WDR17: variants seen among roughly 807,000 people sequenced by gnomAD.
WDR17 encodes the protein WD repeat-containing protein 17.
In WDR17, 143 loss-of-function variants were observed where a neutral mutation model predicts 161.7. The observed-to-expected ratio is 0.88, with a 90% CI of 0.77 to 1.02. WDR17 has a LOEUF of 1.02. Among genes scored for constraint, WDR17 ranks in the 50% least tolerant of loss-of-function variants. The probability of loss-of-function intolerance (pLI) is 0.00; values close to 1 mark genes in which losing one functional copy is unlikely to be tolerated. For synonymous variants in WDR17, 517 were observed against 515.6 expected (o/e 1.00, Z -0.04); for missense variants, 1,469 against 1,520.9 (o/e 0.97, Z 0.57).
Position 176,151,823 on chromosome 4 carries a change from A to G in WDR17, c.2316A>G (p.Gln772=). 6.3e-7 allele frequency: 1 copy of G among 1,578,018 alleles called. No individual in the cohort carries two copies. Among genetic ancestry groups the G allele is most frequent in the Non-Finnish European group, 8.6e-7 (1 of 1,167,604 alleles). Residue 772 remains glutamine (Q), a synonymous_variant, in exon 17 of 29, where the codon CAA becomes CAG. Transcript: ENST00000508596. ...HLIKFRTSEA[Q]ELTTVKMSKF... Reference sequence around the variant, plus strand: ...CTTTTTAAAACCAGTCTGAAGCTCAAGAACTAACAACAGTCAAGATGTCTA... The same window carrying G: ...CTTTTTAAAACCAGTCTGAAGCTCAGGAACTAACAACAGTCAAGATGTCTA...
chr4:176,072,000 G>A (rs969262453), intron 1 of WDR17, among the ~76,000 whole-genome samples: 6 of 152,130 alleles, frequency 3.9e-5, no homozygotes, highest in African/African-American at 1.4e-4. Flanking sequence ...TGGTCATTTC[G>A]TGAGTCCAAA....
At chr4:176,124,311 C>T (rs938453731) in intron 4 of WDR17, among the ~76,000 whole-genome samples, 1 of 152,168 alleles carries the variant, frequency 6.6e-6, no homozygotes, top group East Asian at 1.9e-4. Flanking sequence ...TCCATATTTC[C>T]AGTTGTGTAC....
At chr4:176,092,534 G>A (rs1282021920) in intron 1 of WDR17, among the ~76,000 whole-genome samples, 1 of 152,118 alleles carries the variant, frequency 6.6e-6, no homozygotes, top group Non-Finnish European at 1.5e-5. Context: ...ATCCTAGCTA[G>A]AGCAATCAGA....
intron 25 of WDR17, among the ~76,000 whole-genome samples, chr4:176,173,778 G>A (rs1178452700): frequency 6.6e-6 from 1 of 151,952 alleles, no homozygotes; most frequent in Non-Finnish European, 1.5e-5. Context: ...GCCTCCCAAA[G>A]TGCTGGGATT....
At chr4:176,140,491 A>G (rs1380591184) in intron 10 of WDR17, among the ~76,000 whole-genome samples, 5 of 152,158 alleles carry the variant, frequency 3.3e-5, no homozygotes, top group African/African-American at 7.2e-5. Context: ...TTTTAGAAAT[A>G]TGTGCTTTCT....
intron 1 of WDR17, among the ~76,000 whole-genome samples, chr4:176,106,722 G>A (rs915496134): frequency 6.6e-6 from 1 of 152,220 alleles, no homozygotes; most frequent in African/African-American, 2.4e-5. Context: ...GGGAGGCTGA[G>A]GCAGGATGAT....
At chr4:176,138,399 G>C (rs1744739387) in intron 9 of WDR17, among the ~76,000 whole-genome samples, 1 of 151,728 alleles carries the variant, frequency 6.6e-6, no homozygotes, top group Admixed American at 6.6e-5. Flanking sequence ...ACTTGTAGTA[G>C]CGTAGCAAAT....
chr4:176,117,930 G>A (rs984107226), intron 3 of WDR17, among the ~76,000 whole-genome samples: 8 of 152,040 alleles, frequency 5.3e-5, no homozygotes, highest in Non-Finnish European at 1.0e-4. Context: ...CTTAAGCAAA[G>A]TAGAAATTTG....
chr4:176,174,547 A>G, intron 25 of WDR17, 70 bp from the exon 26 acceptor site: 1 of 1,092,566 alleles, frequency 9.2e-7, no homozygotes, highest in Non-Finnish European at 1.3e-6. Context: ...AAGTACATGA[A>G]CTGTGTATCA....
At position 176,151,904 on chromosome 4, in the gene WDR17, T is replaced by C. The variant is rs768037824; in HGVS notation, c.2397T>C (p.Ala799=). Residue 799 remains alanine, a synonymous_variant, in exon 17 of 29, where the codon GCT becomes GCC. Coordinates refer to ENST00000508596, the MANE Select transcript of WDR17 (RefSeq NM_181265.4). ...PAKEERLKEA[A]EIHLRLGQIQ... ...AAGAGGAAAGACTGAAGGAAGCTGC[T>C]GAAATCCACTTGAGATTAGGACAAA... 5.0e-6 allele frequency: 8 copies of C among 1,613,352 alleles called. No individual in the cohort carries two copies. The highest frequency in any genetic ancestry group is 4.0e-5 in the African/African-American group (3 of 74,878).
chr4:176,172,313 A>T, intron 23 of WDR17, 62 bp from the exon 24 acceptor site: 3 of 1,474,680 alleles, frequency 2.0e-6, no homozygotes, highest in Non-Finnish European at 2.8e-6. Context: ...TTTTGTACTT[A>T]CACTATTGCT....
intron 1 of WDR17, among the ~76,000 whole-genome samples, chr4:176,093,384 A>G (rs866179254): frequency 9.2e-4 from 140 of 152,272 alleles, no homozygotes; most frequent in African/African-American, 3.3e-3. Context: ...GCCAAAAGTC[A>G]TCTTGTGAAA....
Position 176,173,296 on chromosome 4 carries a change from G to C in WDR17, c.3274G>C (p.Asp1092His). Residue 1092 changes from aspartate to histidine, a missense_variant, in exon 25 of 29, where the codon GAT (aspartate) becomes CAT (histidine). Asp to His is a moderately conservative substitution (Grantham distance 81). Transcript: ENST00000508596. ...EYISSSDWTL[D>H]TIYPVLDLLS... The stretch of plus-strand genomic sequence containing the variant: ...CATCAGTAGCTCAGACTGGACTTTG[G>C]ATACCATATACCCTGTTCTTGACCT... 1 of 1,611,888 alleles carries C rather than the reference G, an allele frequency of 6.2e-7. No homozygotes were observed. Among genetic ancestry groups the C allele is most frequent in the Non-Finnish European group, 8.5e-7 (1 of 1,179,032 alleles).
chr4:176,133,117 A>G (rs977014475), intron 7 of WDR17, among the ~76,000 whole-genome samples: 1 of 151,162 alleles, frequency 6.6e-6, no homozygotes, highest in Non-Finnish European at 1.5e-5. Flanking sequence ...ATATACTAAC[A>G]TGAATCACAC....
chr4:176,156,794 T>C (rs1246306476), intron 18 of WDR17, among the ~76,000 whole-genome samples: 1 of 152,178 alleles, frequency 6.6e-6, no homozygotes, highest in East Asian at 1.9e-4. Context: ...TGGTTTCTAC[T>C]GGAGGCTCTG....
Position 176,150,550 on chromosome 4 carries a change from G to A in WDR17, c.2261G>A (p.Cys754Tyr), listed in dbSNP as rs1203084982. ...GATAGCTTACTTCCTCAGAACTACT[G>A]CAAAGGAATAATGCACTTGAAACAT... ...QDDSLLPQNY[C>Y]KGIMHLKHLI... Residue 754 changes from cysteine to tyrosine, a missense_variant, in exon 16 of 29, where the codon TGC becomes TAC. By Grantham distance (194) the Cys-to-Tyr change is radical. Transcript: ENST00000508596. The A allele has an allele frequency of 1.2e-6, 2 of 1,611,230 alleles. No homozygotes were observed. Among genetic ancestry groups the A allele is most frequent in the Non-Finnish European group, 1.7e-6 (2 of 1,178,982 alleles).
intron 5 of WDR17, among the ~76,000 whole-genome samples, chr4:176,127,387 G>A (rs147356804): frequency 9.9e-5 from 15 of 152,046 alleles, no homozygotes; most frequent in Non-Finnish European, 2.1e-4. Flanking sequence ...CCACCTCTGG[G>A]TTCAAGTGAT....
chr4:176,069,123 T>C (rs1408184936), intron 1 of WDR17, among the ~76,000 whole-genome samples: 1 of 152,126 alleles, frequency 6.6e-6, no homozygotes, highest in African/African-American at 2.4e-5. Context: ...TAGACAGGTA[T>C]AATTTCAGTG....
chr4:176,102,455 C>T (rs897022572), intron 1 of WDR17, among the ~76,000 whole-genome samples: 2 of 152,168 alleles, frequency 1.3e-5, no homozygotes, highest in African/African-American at 4.8e-5. Flanking sequence ...CAAAGCTAAA[C>T]ATATTCTTAC....
Sources: gnomAD v4.1 joint callset for allele counts (sites outside exome capture counted in the v4.1 genomes callset) on GRCh38, gnomAD v4.1.1 for gene constraint, MANE v1.5 for transcripts, NCBI Gene and HGNC (gene_info 2026-07-23, HGNC 2026-07-21) for gene names.